The following SAMD5 variants were observed in gnomAD, a reference collection of about 807,000 sequenced individuals.
SAMD5 encodes the protein sterile alpha motif domain containing 5.
Under a neutral mutation model 11.3 loss-of-function variants are expected in SAMD5, and 13 were observed. The observed-to-expected ratio is 1.15, with a 90% confidence interval of 0.75 to 1.83. The LOEUF (loss-of-function observed/expected upper bound fraction) is 1.83. SAMD5 is among the 40% of genes most tolerant of loss of function. The probability of loss-of-function intolerance (pLI) is 0.00; values close to 1 mark genes in which losing one functional copy is unlikely to be tolerated. For synonymous variants in SAMD5, 129 were observed against 111.3 expected, an observed-to-expected ratio of 1.16 and a Z score of -1.00; for missense variants, 255 against 239.1, an observed-to-expected ratio of 1.07 and a Z score of -0.44.
At chr6:147,647,011 T>A (rs1438297458) in intron 1 of SAMD5, among the ~76,000 whole-genome samples, 1 of 135,952 alleles carries the variant, frequency 7.4e-6, no homozygotes, top group African/African-American at 3.0e-5. Flanking sequence ...ATAATAATAA[T>A]AATAAAATAG....
At chr6:147,691,078 C>G (rs1197558621) in intron 1 of SAMD5, among the ~76,000 whole-genome samples, 1 of 151,812 alleles carries the variant, frequency 6.6e-6, no homozygotes, top group African/African-American at 2.4e-5. Flanking sequence ...TACTGCAACA[C>G]CCCCCTCCCG....
chr6:147,749,843 C>T, the SAMD5 span, among the ~76,000 whole-genome samples: 5 of 152,170 alleles, frequency 3.3e-5, no homozygotes, highest in East Asian at 1.9e-4. Context: ...TGTGTATATG[C>T]GCATGCGAGT....
the SAMD5 span, among the ~76,000 whole-genome samples, chr6:147,800,340 A>C: frequency 7.9e-5 from 12 of 152,176 alleles, no homozygotes; most frequent in African/African-American, 2.7e-4. Context: ...GTGAGGTGTC[A>C]GTGTGCCCCT....
the SAMD5 span, among the ~76,000 whole-genome samples, chr6:147,861,870 C>T: frequency 6.6e-6 from 1 of 152,274 alleles, no homozygotes; most frequent in Non-Finnish European, 1.5e-5. Context: ...GGCTCTGTGA[C>T]AGCAGCTGTT....
chr6:147,684,273 G>C (rs756171592), intron 1 of SAMD5, among the ~76,000 whole-genome samples: 11 of 152,050 alleles, frequency 7.2e-5, no homozygotes, highest in Non-Finnish European at 1.3e-4. Flanking sequence ...GCTTGTTGTT[G>C]TAATCTATTC....
intron 1 of SAMD5, chr6:147,730,349 G>A (rs1339101003): frequency 8.7e-6 from 2 of 229,182 alleles, no homozygotes; most frequent in Non-Finnish European, 1.8e-5. Context: ...AGAACAGTAT[G>A]GGGGTGCCTA....
chr6:147,729,187 C>T (rs917118780), intron 1 of SAMD5, among the ~76,000 whole-genome samples: 1 of 152,154 alleles, frequency 6.6e-6, no homozygotes, highest in Non-Finnish European at 1.5e-5. Flanking sequence ...GGACACCAGT[C>T]ATATTGGATT....
chr6:147,564,513 G>A lies in SAMD5; in HGVS notation c.*57G>A. 2 of 856,034 alleles carry A rather than the reference G, an allele frequency of 2.3e-6. No individual in the cohort carries two copies. The highest frequency in any genetic ancestry group is 2.0e-6 in the Non-Finnish European group (1 of 490,660). The allele number at this position is 856,034 out of a possible 1,614,324, so 53.0% of individuals were successfully genotyped here. ...TGAGGTGCCTGAAGACTGGAAAAGG[G>A]CATATTTAGAACCTTCTTTCAAAAA... On this transcript the variant is annotated 3_prime_UTR_variant, in exon 2 of 2. Transcript: ENST00000367474.
At chr6:147,640,132 C>A (rs1318304260) in intron 1 of SAMD5, among the ~76,000 whole-genome samples, 1 of 151,838 alleles carries the variant, frequency 6.6e-6, no homozygotes, top group Non-Finnish European at 1.5e-5. Flanking sequence ...TCGCGACCAT[C>A]CTGGCCAACA....
the SAMD5 span, among the ~76,000 whole-genome samples, chr6:147,839,399 A>G: frequency 6.6e-6 from 1 of 152,208 alleles, no homozygotes; most frequent in African/African-American, 2.4e-5. Flanking sequence ...TAGATTTGTA[A>G]TCAGCATATC....
the SAMD5 span, among the ~76,000 whole-genome samples, chr6:147,744,899 CAATA>C: frequency 2.9e-5 from 4 of 137,294 alleles, no homozygotes; most frequent in Non-Finnish European, 6.0e-5. Context: ...CTCTGTCTCA[CAATA>C]AATAAATAAA....
At chr6:147,640,497 C>CAAAAAAAAAAAAAAAAAAAAA (rs1172694444) in intron 1 of SAMD5, among the ~76,000 whole-genome samples, 5 of 24,190 alleles carry the variant, frequency 2.1e-4, no homozygotes, top group Non-Finnish European at 2.6e-4. Context: ...GACTCTGTCG[C>CAAAAAAAAAAAAAAAAAAAAA]AAAAAAAAAA....
intron 1 of SAMD5, chr6:147,733,811 G>A (rs937708558): frequency 2.1e-6 from 2 of 947,176 alleles, no homozygotes; most frequent in African/African-American, 3.5e-5. Flanking sequence ...CCAGTTTTAA[G>A]GTAAGCCGCT....
chr6:147,908,758 AG>A, the SAMD5 span, among the ~76,000 whole-genome samples: 2 of 152,224 alleles, frequency 1.3e-5, no homozygotes, highest in African/African-American at 4.8e-5. Context: ...AGCTTATTGA[AG>A]GGATCTTGGG....
chr6:147,802,156 T>A, the SAMD5 span, among the ~76,000 whole-genome samples: 4 of 152,174 alleles, frequency 2.6e-5, no homozygotes, highest in Non-Finnish European at 5.9e-5. Flanking sequence ...ATACATGTAT[T>A]TTTCAAGGGA....
chr6:147,620,284 G>A (rs2128450126), intron 1 of SAMD5, among the ~76,000 whole-genome samples: 1 of 152,224 alleles, frequency 6.6e-6, no homozygotes, highest in South Asian at 2.1e-4. Context: ...CCCATCCATG[G>A]GATGATTCTT....
At chr6:147,796,763 T>C in the SAMD5 span, among the ~76,000 whole-genome samples, 3 of 151,956 alleles carry the variant, frequency 2.0e-5, no homozygotes, top group African/African-American at 7.3e-5. Context: ...TTTGTAGTTC[T>C]GCTTGAAGAG....
At chr6:147,740,015 T>C (rs1791857929), downstream of SAMD5, among the ~76,000 whole-genome samples, 1 of 152,038 alleles carries the variant, frequency 6.6e-6, no homozygotes, top group African/African-American at 2.4e-5. Flanking sequence ...AGACAGAGTT[T>C]CACCATGTTG....
the SAMD5 span, among the ~76,000 whole-genome samples, chr6:147,887,314 G>A: frequency 4.6e-5 from 7 of 152,040 alleles, no homozygotes; most frequent in Non-Finnish European, 1.0e-4. Context: ...AAGATTCCTC[G>A]GGTCCCTTTG....
Sources: allele counts gnomAD v4.1 joint callset (sites outside exome capture counted in the v4.1 genomes callset), GRCh38; gene constraint gnomAD v4.1.1; transcripts MANE v1.5; gene names NCBI Gene and HGNC (gene_info 2026-07-23, HGNC 2026-07-21).